The following LRRC3B variants were observed in gnomAD, a reference collection of about 807,000 sequenced individuals.
LRRC3B encodes leucine-rich repeat-containing protein 3B.
In LRRC3B, 2 loss-of-function variants were observed where a neutral mutation model predicts 12.8. That is an observed-to-expected ratio of 0.16 (90% confidence interval 0.06 to 0.49). The LOEUF is 0.49. LRRC3B is among the 20% of genes least tolerant of loss of function. The pLI, the probability that LRRC3B is intolerant of heterozygous loss-of-function variation, is 0.96. For synonymous variants in LRRC3B, 132 were observed against 122.0 expected (o/e 1.08, Z -0.54); for missense variants, 189 against 319.4 (o/e 0.59, Z 3.11).
intron 1 of LRRC3B, among the ~76,000 whole-genome samples, chr3:26,690,372 C>T (rs949381446): frequency 1.3e-5 from 2 of 152,118 alleles, no homozygotes; most frequent in Non-Finnish European, 2.9e-5. Context: ...TCTTACCTGC[C>T]ATTTGGTTCA....
chr3:26,647,371 T>G (rs747289146), intron 1 of LRRC3B, among the ~76,000 whole-genome samples: 1 of 152,168 alleles, frequency 6.6e-6, no homozygotes, highest in Non-Finnish European at 1.5e-5. Context: ...GCTTTTGTGC[T>G]TTCACTCCTG....
chr3:26,680,825 T>G (rs2125441195), intron 1 of LRRC3B, among the ~76,000 whole-genome samples: 1 of 152,344 alleles, frequency 6.6e-6, no homozygotes, highest in South Asian at 2.1e-4. Flanking sequence ...GGGGATTTAT[T>G]TTGGCATATC....
At chr3:26,646,756 C>T (rs1231371419) in intron 1 of LRRC3B, among the ~76,000 whole-genome samples, 3 of 152,036 alleles carry the variant, frequency 2.0e-5, no homozygotes, top group Non-Finnish European at 4.4e-5. Flanking sequence ...TCTATTTCCC[C>T]TGTTTCCACC....
chr3:26,675,534 C>G (rs1699839539), intron 1 of LRRC3B, among the ~76,000 whole-genome samples: 1 of 152,202 alleles, frequency 6.6e-6, no homozygotes, highest in African/African-American at 2.4e-5. Context: ...TGTGAAGAAG[C>G]CTCACTGAGT....
At chr3:26,661,851 G>T (rs1699498786) in intron 1 of LRRC3B, among the ~76,000 whole-genome samples, 1 of 152,074 alleles carries the variant, frequency 6.6e-6, no homozygotes, top group Non-Finnish European at 1.5e-5. Flanking sequence ...TACCAGCTCA[G>T]GATCAACACC....
intron 1 of LRRC3B, among the ~76,000 whole-genome samples, chr3:26,651,232 T>A (rs1366608366): frequency 6.6e-6 from 1 of 152,228 alleles, no homozygotes; most frequent in East Asian, 1.9e-4. Flanking sequence ...GCTTTTGTTT[T>A]AGTGAAGAAC....
At chr3:26,635,299 G>T (rs1481945970) in intron 1 of LRRC3B, among the ~76,000 whole-genome samples, 2 of 152,128 alleles carry the variant, frequency 1.3e-5, no homozygotes, top group Non-Finnish European at 2.9e-5. Context: ...AGACACCTTG[G>T]TCTACTGAAC....
chr3:26,673,293 CA>C (rs369149278), intron 1 of LRRC3B, among the ~76,000 whole-genome samples: 10 of 152,112 alleles, frequency 6.6e-5, no homozygotes, highest in African/African-American at 2.4e-4. Context: ...GTTTTCATTT[CA>C]AACAACAATA....
chr3:26,697,977 C>A (rs1700360676), intron 1 of LRRC3B, among the ~76,000 whole-genome samples: 1 of 152,102 alleles, frequency 6.6e-6, no homozygotes, highest in Non-Finnish European at 1.5e-5. Context: ...GAACGTGGAT[C>A]CCTCTTGGAA....
chr3:26,689,544 G>A (rs1353057260), intron 1 of LRRC3B, among the ~76,000 whole-genome samples: 1 of 152,206 alleles, frequency 6.6e-6, no homozygotes, highest in Non-Finnish European at 1.5e-5. Flanking sequence ...TCCCCAATGT[G>A]AGAAGCTTCC....
At chr3:26,687,242 C>T (rs1391290814) in intron 1 of LRRC3B, among the ~76,000 whole-genome samples, 1 of 152,152 alleles carries the variant, frequency 6.6e-6, no homozygotes, top group African/African-American at 2.4e-5. Flanking sequence ...ATGTATTTTT[C>T]TTCCTTTTCA....
chr3:26,629,812 G>T (rs942173233), intron 1 of LRRC3B, among the ~76,000 whole-genome samples: 2 of 152,106 alleles, frequency 1.3e-5, no homozygotes, highest in Admixed American at 6.6e-5. Flanking sequence ...AAGATGTACT[G>T]TGGACTGTTG....
At chr3:26,686,636 G>A (rs1040124119) in intron 1 of LRRC3B, among the ~76,000 whole-genome samples, 1 of 152,156 alleles carries the variant, frequency 6.6e-6, no homozygotes, top group Non-Finnish European at 1.5e-5. Flanking sequence ...AATAAAAAAA[G>A]CCAGAGTGTG....
chr3:26,649,590 C>T (rs149315370), intron 1 of LRRC3B, among the ~76,000 whole-genome samples: 17 of 152,190 alleles, frequency 1.1e-4, no homozygotes, highest in Non-Finnish European at 2.4e-4. Flanking sequence ...GGTACAATAC[C>T]TCAACTTAGA....
chr3:26,626,513 C>T (rs562504677), intron 1 of LRRC3B, among the ~76,000 whole-genome samples: 3 of 152,274 alleles, frequency 2.0e-5, no homozygotes, highest in South Asian at 4.1e-4. Context: ...TGTAGCATAA[C>T]TAATGCTGGA....
chr3:26,706,580 C>A (rs780127300), intron 1 of LRRC3B, among the ~76,000 whole-genome samples: 1 of 152,172 alleles, frequency 6.6e-6, no homozygotes, highest in Non-Finnish European at 1.5e-5. Context: ...CACAGGTAGA[C>A]CATTTGGGAT....
intron 1 of LRRC3B, among the ~76,000 whole-genome samples, chr3:26,665,475 T>C (rs1318362900): frequency 6.6e-6 from 1 of 152,170 alleles, no homozygotes; most frequent in Non-Finnish European, 1.5e-5. Flanking sequence ...CTTCCGTTTG[T>C]GTTTTCTTCT....
In LRRC3B at chr3:26,668,054, G is replaced by C. The variant is rs553238256; in HGVS notation, c.-160-41459G>C. On this transcript the variant is annotated intron_variant, in intron 1 of 1. Coordinates refer to ENST00000396641, the Ensembl canonical transcript of LRRC3B. Reference sequence around the variant, plus strand: ...ATGTTTTGGACATATAATTTTCAGAGTACATGATGGGGCATTTCTGGGTTG... The same window carrying C: ...ATGTTTTGGACATATAATTTTCAGACTACATGATGGGGCATTTCTGGGTTG... Among the ~76,000 whole-genome samples, 63 of 152,094 alleles carry C rather than the reference G, an allele frequency of 4.1e-4. 1 individual carries two copies. The highest frequency in any genetic ancestry group is 1.5e-3 in the African/African-American group (61 of 41,496).
chr3:26,710,521 C>T, exon 2 of LRRC3B: 1 of 1,415,978 alleles, frequency 7.1e-7, no homozygotes, highest in South Asian at 1.5e-5. Context: ...AAGTGGTTTA[C>T]TTCTCCCATC....
Sources: gnomAD v4.1 joint callset for allele counts (sites outside exome capture counted in the v4.1 genomes callset) on GRCh38, gnomAD v4.1.1 for gene constraint, MANE v1.5 for transcripts, NCBI Gene and HGNC (gene_info 2026-07-23, HGNC 2026-07-21) for gene names.